The following METTL6 variants were observed in gnomAD, a reference collection of about 807,000 sequenced individuals.
METTL6 encodes the protein tRNA N(3)-cytidine methyltransferase METTL6.
Under a neutral mutation model 26.4 loss-of-function variants are expected in METTL6, and 22 were observed. The observed-to-expected ratio is 0.83, with a 90% CI of 0.59 to 1.19. The LOEUF (loss-of-function observed/expected upper bound fraction) is 1.19, where lower values mean the gene tolerates loss of function less well. Ranked by LOEUF, METTL6 falls within the 50% of genes most tolerant of loss-of-function variation. The pLI, the probability that METTL6 is intolerant of heterozygous loss-of-function variation, is 0.00. For missense variants in METTL6, 304 were observed against 324.8 expected (o/e 0.94, Z 0.49); for synonymous variants, 109 against 116.2 (o/e 0.94, Z 0.40).
At chr3:15,413,881 A>G in intron 5 of METTL6, 140 bp downstream of exon 5, 4 of 1,531,458 alleles carry the variant, frequency 2.6e-6, no homozygotes, top group Non-Finnish European at 3.5e-6. Context: ...TGCTGGGTAA[A>G]TATTGTGCAG....
At chr3:15,408,039 G>C (rs9847287), downstream of METTL6, among the ~76,000 whole-genome samples, 2,382 of 152,238 alleles carry the variant, frequency 0.016, 37 homozygotes, top group African/African-American at 0.034. Context: ...TTATTTTCCT[G>C]GCCTCAACTT....
chr3:15,404,946 C>T (rs2124941852), downstream of METTL6, among the ~76,000 whole-genome samples: 1 of 152,328 alleles, frequency 6.6e-6, no homozygotes, highest in Middle Eastern at 3.4e-3. Context: ...GCAAAACAGT[C>T]TTGGTTTACT....
chr3:15,405,906 A>G (rs184133454), downstream of METTL6, among the ~76,000 whole-genome samples: 1 of 152,280 alleles, frequency 6.6e-6, no homozygotes, highest in East Asian at 1.9e-4. Context: ...AGAAGTTGGT[A>G]GTTTGTACTG....
intron 6 of METTL6, among the ~76,000 whole-genome samples, chr3:15,394,747 C>T (rs1405219280): frequency 3.9e-5 from 6 of 152,170 alleles, no homozygotes; most frequent in South Asian, 2.1e-4. Flanking sequence ...GCCTTCATTT[C>T]GTTATGTACC....
chr3:15,394,211 C>T lies in METTL6; in HGVS notation c.*12-10024G>A, dbSNP rs1246577348. 3.9e-5 allele frequency among the ~76,000 whole-genome samples: 6 copies of T among 152,328 alleles called. No homozygotes were observed. In the South Asian group the frequency reaches 1.2e-3, roughly 32 times the overall value. ...GTCTATTCAGAGATTCAACTTCTTC[C>T]TGGTTTAGTCTTGGGAGAGTGTATG... On this transcript the variant is annotated intron_variant, in intron 6 of 6. Coordinates refer to the METTL6 transcript ENST00000443029.
At chr3:15,392,710 C>T (rs970009153) in intron 6 of METTL6, among the ~76,000 whole-genome samples, 10 of 152,308 alleles carry the variant, frequency 6.6e-5, no homozygotes, top group African/African-American at 2.4e-4. Context: ...CAGCTTTCTA[C>T]ATATGGCTAG....
At chr3:15,408,579 T>TC (rs1699864601), downstream of METTL6, among the ~76,000 whole-genome samples, 1 of 147,808 alleles carries the variant, frequency 6.8e-6, no homozygotes, top group Non-Finnish European at 1.5e-5. Context: ...TTTTTTTTTT[T>TC]CAATTGGACA....
chr3:15,396,562 C>A (rs916551277), intron 6 of METTL6, among the ~76,000 whole-genome samples: 5 of 152,154 alleles, frequency 3.3e-5, no homozygotes, highest in African/African-American at 1.2e-4. Context: ...GGAGGAGAGG[C>A]GCTCTGATTT....
intron 3 of METTL6, among the ~76,000 whole-genome samples, chr3:15,424,545 G>A (rs2061677294): frequency 6.6e-6 from 1 of 152,224 alleles, no homozygotes; most frequent in Non-Finnish European, 1.5e-5. Context: ...GGGATTACAA[G>A]TGCGAACCAA....
At position 15,411,300 on chromosome 3, in the gene METTL6, T is replaced by C; in HGVS notation, c.811A>G (p.Lys271Glu). The change falls in exon 6 of 6, where the codon AAG (lysine) becomes GAG (glutamate). Residue 271 changes from lysine (K) to glutamate (E), a missense_variant. Physicochemically the swap from Lys to Glu is moderately conservative, Grantham distance 56 (BLOSUM62 1). Coordinates refer to ENST00000383790, the MANE Select transcript of METTL6 (RefSeq NM_152396.4). ...CCCAGGACCACAGGAGATGGGTTCT[T>C]AGGAGGCTTTAGAAATTTGCTCTGA... ...FLQSKFLKPP[K>E]NPSPVVLGLD... The C allele has an allele frequency of 6.2e-7, 1 of 1,614,234 alleles. No homozygotes were observed. Among genetic ancestry groups the C allele is most frequent in the Non-Finnish European group, 8.5e-7 (1 of 1,180,036 alleles).
intron 6 of METTL6, among the ~76,000 whole-genome samples, chr3:15,401,724 A>G (rs1164680977): frequency 6.6e-6 from 1 of 152,140 alleles, no homozygotes; most frequent in Non-Finnish European, 1.5e-5. Context: ...ATGGTAAAAC[A>G]CATGCCCACC....
In METTL6 at chr3:15,410,570, C is replaced by CA. The variant is rs1699926117; in HGVS notation, c.*685dup. Reference sequence around the variant, plus strand: ...AAGGGATCTGCTGGCCTTGGCCTCTCAAAGTGCTGGGGTTATAGGCATGAG... The same window carrying CA: ...AAGGGATCTGCTGGCCTTGGCCTCTCAAAAGTGCTGGGGTTATAGGCATGAG... On this transcript the variant is annotated 3_prime_UTR_variant, in exon 6 of 6. Coordinates refer to ENST00000383790, the MANE Select transcript of METTL6 (RefSeq NM_152396.4). 2.6e-5 allele frequency among the ~76,000 whole-genome samples: 4 copies of CA among 152,128 alleles called. No homozygotes were observed. In the South Asian group the frequency reaches 8.3e-4, roughly 32 times the overall value.
In METTL6 at chr3:15,409,984, C is replaced by T. The variant is rs1699904722; in HGVS notation, c.*1272G>A. 1.3e-5 allele frequency among the ~76,000 whole-genome samples: 2 copies of T among 152,124 alleles called. No homozygotes were observed. The highest frequency in any genetic ancestry group is 2.9e-5 in the Non-Finnish European group (2 of 68,034). On this transcript the variant is annotated 3_prime_UTR_variant, in exon 6 of 6. Coordinates refer to ENST00000383790, the MANE Select transcript of METTL6 (RefSeq NM_152396.4). ...GACATGTTGCCTGGGGGAACACTTA[C>T]AGTCACATGAGTAATGACAAGAATC...
chr3:15,420,708 T>C (rs756352362), intron 3 of METTL6, among the ~76,000 whole-genome samples: 1 of 152,130 alleles, frequency 6.6e-6, no homozygotes, highest in African/African-American at 2.4e-5. Context: ...GTTAAAGAGG[T>C]TGACAGCGTA....
chr3:15,386,917 T>C (rs777275809), intron 6 of METTL6, among the ~76,000 whole-genome samples: 14 of 152,060 alleles, frequency 9.2e-5, no homozygotes, highest in Non-Finnish European at 2.1e-4. Flanking sequence ...CCTTGCCTCC[T>C]GAGTAGCTGG....
intron 3 of METTL6, among the ~76,000 whole-genome samples, chr3:15,420,361 C>T (rs1007900322): frequency 3.3e-5 from 5 of 152,074 alleles, no homozygotes; most frequent in Non-Finnish European, 5.9e-5. Flanking sequence ...TTTAAAACAT[C>T]GAGACTTTCT....
At chr3:15,385,777 CTG>C (rs1173701323) in intron 6 of METTL6, among the ~76,000 whole-genome samples, 5 of 152,314 alleles carry the variant, frequency 3.3e-5, no homozygotes, top group African/African-American at 1.2e-4. Flanking sequence ...TAACTTGAAT[CTG>C]TGTCTCCTGG....
chr3:15,382,330 A>T (rs1182415198), exon 7 of METTL6: 2 of 152,094 alleles, frequency 1.3e-5, no homozygotes, highest in African/African-American at 4.8e-5. Context: ...TTTCTGCTTA[A>T]ATCATCTATC....
At position 15,411,246 on chromosome 3, in the gene METTL6, T is replaced by A. The variant is rs745718919; in HGVS notation, c.*10A>T. 120 of 1,603,604 alleles carry A rather than the reference T, an allele frequency of 7.5e-5. No individual in the cohort carries two copies. Among genetic ancestry groups the A allele is most frequent in the Non-Finnish European group, 9.9e-5 (116 of 1,177,164 alleles). Reference sequence around the variant, plus strand: ...TCAAGGGAAGGTATAAATGCCAACCTCATGAAAGGTCAGGACTTAGGATCC... The same window carrying A: ...TCAAGGGAAGGTATAAATGCCAACCACATGAAAGGTCAGGACTTAGGATCC... On this transcript the variant is annotated 3_prime_UTR_variant, in exon 6 of 6. Transcript: ENST00000383790.
Sources: gnomAD v4.1 joint callset for allele counts (sites outside exome capture counted in the v4.1 genomes callset) on GRCh38, gnomAD v4.1.1 for gene constraint, MANE v1.5 for transcripts, NCBI Gene and HGNC (gene_info 2026-07-23, HGNC 2026-07-21) for gene names.